GFPT2: variants seen among roughly 807,000 people sequenced by gnomAD.
GFPT2 encodes glutamine--fructose-6-phosphate transaminase 2, also known as glutamine--fructose-6-phosphate aminotransferase [isomerizing] 2.
In GFPT2, 62 loss-of-function variants were observed where a neutral mutation model predicts 85.6. That is an observed-to-expected ratio of 0.72 (90% CI 0.59 to 0.90). The LOEUF is 0.90. GFPT2 is among the 40% of genes least tolerant of loss of function. The pLI is 0.00. For synonymous variants in GFPT2, 368 were observed against 344.5 expected (o/e 1.07, Z -0.75); for missense variants, 788 against 893.4 (o/e 0.88, Z 1.50).
Position 180,318,803 on chromosome 5 carries a change from T to A in GFPT2, c.948A>T (p.Gln316His), listed in dbSNP as rs1459443620. 6.2e-7 allele frequency: 1 copy of A among 1,613,818 alleles called. No individual in the cohort carries two copies. The highest frequency in any genetic ancestry group is 8.5e-7 in the Non-Finnish European group (1 of 1,179,868). The change falls in exon 10 of 19, where the codon CAA (glutamine) becomes CAT (histidine). Residue 316 changes from glutamine to histidine, a missense_variant. Transcript: ENST00000253778. This position sits in a 1 kb window ranked among gnomAD's most constrained non-coding sequence, Gnocchi z 4.2. ...AIQTLQMELQ[Q>H]IMKGNFSAFM... ...CTGGAGGACACCTGCCTTTCATGAT[T>A]TGCTGCAGTTCCATCTGCAAGGTCT...
intron 9 of GFPT2, among the ~76,000 whole-genome samples, chr5:180,321,114 G>A (rs1216689800): frequency 2.0e-5 from 3 of 151,182 alleles, no homozygotes. Flanking sequence ...GTATAAAAGT[G>A]TACAAATAAC....
chr5:180,343,246 C>G (rs1057157052), intron 1 of GFPT2, among the ~76,000 whole-genome samples: 11 of 152,200 alleles, frequency 7.2e-5, no homozygotes, highest in Non-Finnish European at 1.5e-4. Flanking sequence ...TGCAGCTCCC[C>G]CACCTCCCAG....
At chr5:180,344,205 G>C (rs1027067123) in intron 1 of GFPT2, among the ~76,000 whole-genome samples, 30 of 152,234 alleles carry the variant, frequency 2.0e-4, no homozygotes, top group South Asian at 2.1e-4. Flanking sequence ...TGCAGAATAT[G>C]AGTAAATTAC....
chr5:180,302,387 C>G (rs1163777429), intron 18 of GFPT2, 36 bp downstream of exon 18: 2 of 1,555,342 alleles, frequency 1.3e-6, no homozygotes, highest in South Asian at 1.1e-5. Context: ...GGTTATGTCT[C>G]TCCTCTCTGC....
chr5:180,301,317 A>G lies in GFPT2; in HGVS notation c.*247T>C. ...CTGTATCTCTATTGCACAGTAGTGG[A>G]GAAGTCTGCTCTGATCCCCATGTGT... On this transcript the variant is annotated 3_prime_UTR_variant, in exon 19 of 19. Coordinates refer to ENST00000253778, the MANE Select transcript of GFPT2 (RefSeq NM_005110.4). 1.8e-6 allele frequency: 1 copy of G among 569,120 alleles called. No homozygotes were observed. Among genetic ancestry groups the G allele is most frequent in the Non-Finnish European group, 3.1e-6 (1 of 321,750 alleles). The allele number at this position is 569,120 out of a possible 1,614,324, so 35.3% of individuals were successfully genotyped here.
At chr5:180,314,588 T>A (rs1318995075) in intron 13 of GFPT2, among the ~76,000 whole-genome samples, 2 of 152,240 alleles carry the variant, frequency 1.3e-5, no homozygotes, top group Non-Finnish European at 2.9e-5. Flanking sequence ...GTTGAAATCC[T>A]CATGAGTCGG....
At chr5:180,324,513 A>C in intron 8 of GFPT2, 1 of 583,648 alleles carries the variant, frequency 1.7e-6, no homozygotes, top group Non-Finnish European at 3.0e-6. Context: ...AGAGGAATGC[A>C]AACAAAAACA....
chr5:180,340,853 G>A (rs1174436250), intron 1 of GFPT2, among the ~76,000 whole-genome samples: 2 of 152,104 alleles, frequency 1.3e-5, no homozygotes, highest in Admixed American at 6.5e-5. Flanking sequence ...CATTCGTGAG[G>A]CCCATGTCCC....
chr5:180,332,262 A>C (rs1332305423), intron 4 of GFPT2, among the ~76,000 whole-genome samples: 1 of 115,722 alleles, frequency 8.6e-6, no homozygotes, highest in African/African-American at 4.3e-5. Flanking sequence ...GAGCAGGGGG[A>C]TGCGGGGGAT....
chr5:180,316,116 A>G (rs1039035391), intron 13 of GFPT2, among the ~76,000 whole-genome samples: 15 of 152,188 alleles, frequency 9.9e-5, no homozygotes, highest in African/African-American at 3.6e-4. Context: ...GTGGATTTCC[A>G]GCCCAATCCC....
At chr5:180,353,080 G>A (rs1373432624) in intron 1 of GFPT2, 131 bp downstream of exon 1, 4 of 730,160 alleles carry the variant, frequency 5.5e-6, no homozygotes, top group East Asian at 3.6e-5. Context: ...CCCCTCGGTA[G>A]GGGCCCGGGG....
At chr5:180,315,399 CA>C (rs1306678602) in intron 13 of GFPT2, among the ~76,000 whole-genome samples, 1 of 152,136 alleles carries the variant, frequency 6.6e-6, no homozygotes, top group East Asian at 1.9e-4. Context: ...AGGATGGCCT[CA>C]ATCTCCTGAC....
Position 180,330,574 on chromosome 5 carries a change from T to C in GFPT2, c.534+126A>G. On this transcript the variant is annotated intron_variant, in intron 6 of 18. Coordinates refer to ENST00000253778, the MANE Select transcript of GFPT2 (RefSeq NM_005110.4). This position sits in a 1 kb window ranked among gnomAD's most constrained non-coding sequence, Gnocchi z 4.4. Reference sequence around the variant, plus strand: ...ATGGGCTGTCTTTTATCCCCAGGACTCTGTGCAAGTTTGTCTAACAAGGGC... The same window carrying C: ...ATGGGCTGTCTTTTATCCCCAGGACCCTGTGCAAGTTTGTCTAACAAGGGC... 1.3e-6 allele frequency: 1 copy of C among 746,676 alleles called. No homozygotes were observed. The highest frequency in any genetic ancestry group is 2.5e-5 in the East Asian group (1 of 39,624). The allele number at this position is 746,676 out of a possible 1,614,324, so 46.3% of individuals were successfully genotyped here. A position where few individuals can be genotyped will look rare whatever the true frequency, so the allele number is the denominator to read the frequency against.
intron 1 of GFPT2, among the ~76,000 whole-genome samples, chr5:180,351,369 T>C (rs770111402): frequency 4.6e-5 from 7 of 152,206 alleles, no homozygotes; most frequent in African/African-American, 1.4e-4. Context: ...GAAATAACTT[T>C]CCCATGCAGG....
intron 9 of GFPT2, among the ~76,000 whole-genome samples, chr5:180,319,433 T>C (rs1396541621): frequency 6.6e-6 from 1 of 152,172 alleles, no homozygotes; most frequent in Non-Finnish European, 1.5e-5. Flanking sequence ...ATAAAGCATT[T>C]ATCTCGCCTT....
In GFPT2 at chr5:180,328,276, C is replaced by A. The variant is rs764283792; in HGVS notation, c.596+1G>T. The A allele has an allele frequency of 6.2e-7, 1 of 1,606,600 alleles. No individual in the cohort carries two copies. Among genetic ancestry groups the A allele is most frequent in the African/African-American group, 1.3e-5 (1 of 74,756 alleles). On this transcript the variant is annotated splice_donor_variant, in intron 7 of 18. Transcript: ENST00000253778. LOFTEE classifies it high-confidence loss of function. The surrounding 1 kb of genome is among the most constrained non-coding windows in gnomAD (Gnocchi z 5.4). Reference sequence around the variant, plus strand: ...GGAAATGCCAGTGTGTTTTGCCTCACCGTGTGGCAACGGCTTCTCCTGGGT... The same window carrying A: ...GGAAATGCCAGTGTGTTTTGCCTCAACGTGTGGCAACGGCTTCTCCTGGGT...
chr5:180,336,896 G>A (rs1374860368), intron 2 of GFPT2, among the ~76,000 whole-genome samples: 2 of 152,262 alleles, frequency 1.3e-5, no homozygotes, highest in African/African-American at 2.4e-5. Flanking sequence ...GGCCCAGGCA[G>A]GGCATTTATC....
chr5:180,340,449 G>A (rs1388627272), intron 1 of GFPT2, among the ~76,000 whole-genome samples: 2 of 150,140 alleles, frequency 1.3e-5, no homozygotes, highest in African/African-American at 4.9e-5. Context: ...CAGGTCATCC[G>A]CCCGCCTCGG....
intron 1 of GFPT2, chr5:180,352,795 C>T (rs1046358208): frequency 1.2e-4 from 38 of 309,908 alleles, no homozygotes; most frequent in African/African-American, 8.4e-4. Flanking sequence ...GGGATGGGCG[C>T]CCCGCACTCG....
Sources: allele counts gnomAD v4.1 joint callset (sites outside exome capture counted in the v4.1 genomes callset), GRCh38; gene constraint gnomAD v4.1.1; non-coding constraint Gnocchi (gnomAD v3.1); transcripts MANE v1.5; gene names NCBI Gene and HGNC (gene_info 2026-07-23, HGNC 2026-07-21).